RETREG1: variants seen among roughly 807,000 people sequenced by gnomAD.
The protein encoded by RETREG1 is reticulophagy regulator 1.
Under a neutral mutation model 54.8 loss-of-function variants are expected in RETREG1, and 44 were observed. The observed-to-expected ratio is 0.80, with a 90% CI of 0.63 to 1.03. The LOEUF is 1.03. Ranked by LOEUF, RETREG1 falls within the 50% of genes least tolerant of loss-of-function variation. The pLI is 0.00. For synonymous variants in RETREG1, 217 were observed against 238.5 expected, an observed-to-expected ratio of 0.91 and a Z score of 0.83; for missense variants, 554 against 605.1, an observed-to-expected ratio of 0.92 and a Z score of 0.89.
chr5:16,539,523 C>A (rs1175381722), intron 3 of RETREG1, among the ~76,000 whole-genome samples: 1 of 152,146 alleles, frequency 6.6e-6, no homozygotes, highest in Non-Finnish European at 1.5e-5. Flanking sequence ...AAAATACAGC[C>A]GCTGATCCCA....
intron 1 of RETREG1, among the ~76,000 whole-genome samples, chr5:16,576,999 A>T (rs1169219644): frequency 6.6e-6 from 1 of 151,596 alleles, no homozygotes; most frequent in Admixed American, 6.6e-5. Flanking sequence ...CGAATATCCC[A>T]TCAAGGTTCA....
chr5:16,490,047 T>C (rs921260205), intron 3 of RETREG1, among the ~76,000 whole-genome samples: 1 of 152,152 alleles, frequency 6.6e-6, no homozygotes, highest in African/African-American at 2.4e-5. Flanking sequence ...TTTGAGGAGA[T>C]AATTACCAAC....
At chr5:16,559,957 G>A in intron 3 of RETREG1, among the ~76,000 whole-genome samples, 1 of 152,222 alleles carries the variant, frequency 6.6e-6, no homozygotes, top group Non-Finnish European at 1.5e-5. Flanking sequence ...TTCACAGATT[G>A]TAGAGTTAGT....
chr5:16,601,546 G>A (rs1173521882), intron 1 of RETREG1, among the ~76,000 whole-genome samples: 5 of 151,982 alleles, frequency 3.3e-5, no homozygotes, highest in East Asian at 1.9e-4. Context: ...ACAGGCATGC[G>A]CCACCATACC....
intron 2 of RETREG1, among the ~76,000 whole-genome samples, chr5:16,567,994 C>CG (rs1742064839): frequency 6.6e-6 from 1 of 151,696 alleles, no homozygotes; most frequent in Non-Finnish European, 1.5e-5. Flanking sequence ...GAAAAGAAAG[C>CG]GGGGGGCAGA....
intron 1 of RETREG1, among the ~76,000 whole-genome samples, chr5:16,614,747 C>T (rs1743443348): frequency 1.3e-5 from 2 of 152,170 alleles, no homozygotes; most frequent in African/African-American, 4.8e-5. Context: ...ATAGCAAAAG[C>T]TTGGAAACAT....
intron 3 of RETREG1, among the ~76,000 whole-genome samples, chr5:16,528,277 A>G (rs1380662088): frequency 2.0e-5 from 3 of 152,186 alleles, no homozygotes; most frequent in Non-Finnish European, 4.4e-5. Flanking sequence ...ATAAGATGTG[A>G]TTTTTACATA....
At chr5:16,493,175 G>C (rs185349926) in intron 3 of RETREG1, among the ~76,000 whole-genome samples, 24 of 152,166 alleles carry the variant, frequency 1.6e-4, no homozygotes, top group Admixed American at 1.5e-3. Flanking sequence ...CTCAAACTGA[G>C]CACTGCTACT....
intron 1 of RETREG1, among the ~76,000 whole-genome samples, chr5:16,579,785 T>C (rs1391216935): frequency 6.6e-6 from 1 of 152,248 alleles, no homozygotes; most frequent in African/African-American, 2.4e-5. Context: ...TGTGGCGTGA[T>C]AGTACATTCA....
At chr5:16,607,483 A>G (rs112279425) in intron 1 of RETREG1, among the ~76,000 whole-genome samples, 24,438 of 151,972 alleles carry the variant, frequency 0.16, 2,292 homozygotes, top group African/African-American at 0.25. Context: ...GTGTGGTGGC[A>G]GGTGCCTGTA....
In RETREG1 at chr5:16,616,905, C is replaced by G. The variant is rs1167496869; in HGVS notation, c.67G>C (p.Ala23Pro). Residue 23 changes from alanine (A) to proline (P), a missense_variant, in exon 1 of 9, where the codon GCG becomes CCG. Coordinates refer to ENST00000306320, the MANE Select transcript of RETREG1 (RefSeq NM_001034850.3). Reference sequence around the variant, plus strand: ...TGGGGCGGTGGCGGCGACGGCGGCGCCTGCTCCTCGGCGGCAGGAGCCGGG... The same window carrying G: ...TGGGGCGGTGGCGGCGACGGCGGCGGCTGCTCCTCGGCGGCAGGAGCCGGG... The part of the protein sequence containing the change: ...GCPAPAAEEQ[A>P]PPSPPPPQAS... The G allele has an allele frequency of 2.7e-6, 4 of 1,480,042 alleles. No homozygotes were observed. Among genetic ancestry groups the G allele is most frequent in the Non-Finnish European group, 3.6e-6 (4 of 1,122,646 alleles). The allele number at this position is 1,480,042 out of a possible 1,614,324, so 91.7% of individuals were successfully genotyped here. A position where few individuals can be genotyped will look rare whatever the true frequency, so the allele number is the denominator to read the frequency against.
At chr5:16,592,253 C>G (rs922916750) in intron 1 of RETREG1, among the ~76,000 whole-genome samples, 1 of 152,062 alleles carries the variant, frequency 6.6e-6, no homozygotes, top group African/African-American at 2.4e-5. Flanking sequence ...TAAGAACAGA[C>G]ACTTTTCAAA....
intron 1 of RETREG1, among the ~76,000 whole-genome samples, chr5:16,573,012 G>A (rs533293060): frequency 1.2e-4 from 18 of 151,770 alleles, no homozygotes; most frequent in East Asian, 3.9e-4. Context: ...GTGAAACCCC[G>A]TCTCTACTAA....
At position 16,616,985 on chromosome 5, in the gene RETREG1, T is replaced by C; in HGVS notation, c.-14A>G. On this transcript the variant is annotated 5_prime_UTR_variant, in exon 1 of 9. Coordinates refer to ENST00000306320, the MANE Select transcript of RETREG1 (RefSeq NM_001034850.3). Reference sequence around the variant, plus strand: ...CGGGCTCGCCATCTTCAGCTGTGCTTCCAGACAGGGACGGGGCCGGGCGCG... The same window carrying C: ...CGGGCTCGCCATCTTCAGCTGTGCTCCCAGACAGGGACGGGGCCGGGCGCG... 1.4e-6 allele frequency: 2 copies of C among 1,381,060 alleles called. No individual in the cohort carries two copies. The highest frequency in any genetic ancestry group is 1.9e-6 in the Non-Finnish European group (2 of 1,069,740). The allele number at this position is 1,381,060 out of a possible 1,614,324, so 85.6% of individuals were successfully genotyped here.
chr5:16,615,009 A>G (rs1743451705), intron 1 of RETREG1, among the ~76,000 whole-genome samples: 1 of 152,240 alleles, frequency 6.6e-6, no homozygotes, highest in Admixed American at 6.5e-5. Flanking sequence ...GGGATGAGAA[A>G]GAGATTTTCA....
At chr5:16,528,325 T>C (rs1213458214) in intron 3 of RETREG1, among the ~76,000 whole-genome samples, 1 of 152,106 alleles carries the variant, frequency 6.6e-6, no homozygotes. Context: ...TTTACAGAGA[T>C]TACAATTCAC....
intron 3 of RETREG1, among the ~76,000 whole-genome samples, chr5:16,540,061 G>A (rs186496316): frequency 6.6e-6 from 1 of 152,236 alleles, no homozygotes; most frequent in East Asian, 1.9e-4. Flanking sequence ...CAAAGGGTTT[G>A]GCTACTGATA....
chr5:16,577,843 C>T (rs1742372750), intron 1 of RETREG1, among the ~76,000 whole-genome samples: 1 of 152,310 alleles, frequency 6.6e-6, no homozygotes, highest in South Asian at 2.1e-4. Flanking sequence ...AGCTCTCATT[C>T]TCTCTTGCCT....
intron 3 of RETREG1, among the ~76,000 whole-genome samples, chr5:16,510,268 T>C (rs928255345): frequency 3.3e-5 from 5 of 152,160 alleles, no homozygotes; most frequent in Admixed American, 6.5e-5. Context: ...CCTAACATTT[T>C]AGACACTTCA....
Sources: allele counts gnomAD v4.1 joint callset (sites outside exome capture counted in the v4.1 genomes callset), GRCh38; gene constraint gnomAD v4.1.1; transcripts MANE v1.5; gene names NCBI Gene and HGNC (gene_info 2026-07-23, HGNC 2026-07-21).